CELF4: variants seen among roughly 807,000 people sequenced by gnomAD.
The protein encoded by CELF4 is CUG-BP- and ETR-3-like factor 4.
In CELF4, 18 loss-of-function variants were observed where a neutral mutation model predicts 59.9. The ratio of observed to expected loss-of-function variants is 0.30; its 90% CI spans 0.21 to 0.45. The LOEUF (loss-of-function observed/expected upper bound fraction) is 0.45. Among genes scored for constraint, CELF4 ranks in the 20% least tolerant of loss-of-function variants. The probability of loss-of-function intolerance (pLI) is 1.00; values close to 1 mark genes in which losing one functional copy is unlikely to be tolerated. For synonymous variants in CELF4, 261 were observed against 267.1 expected (o/e 0.98, Z 0.22); for missense variants, 456 against 689.0 (o/e 0.66, Z 3.79).
chr18:37,423,051 C>T (rs2099588178), intron 2 of CELF4, among the ~76,000 whole-genome samples: 1 of 125,502 alleles, frequency 8.0e-6, no homozygotes, highest in Non-Finnish European at 1.7e-5. Context: ...CACATAGACA[C>T]ATGCGCGCGC....
chr18:37,536,759 C>T (rs2099973832), intron 1 of CELF4, among the ~76,000 whole-genome samples: 1 of 152,146 alleles, frequency 6.6e-6, no homozygotes, highest in Admixed American at 6.5e-5. Context: ...CACCATCACC[C>T]CCATCTCCCA....
chr18:37,412,359 G>A (rs2099473108), intron 2 of CELF4, among the ~76,000 whole-genome samples: 1 of 152,214 alleles, frequency 6.6e-6, no homozygotes. Context: ...CCAGGGGGCA[G>A]AGACAGCATG....
At chr18:37,549,897 A>C (rs1200587899) in intron 1 of CELF4, among the ~76,000 whole-genome samples, 3 of 152,194 alleles carry the variant, frequency 2.0e-5, no homozygotes, top group Non-Finnish European at 2.9e-5. Flanking sequence ...ATTATATAAT[A>C]TCTTATGACA....
At chr18:37,424,750 G>A (rs1302937025) in intron 2 of CELF4, among the ~76,000 whole-genome samples, 4 of 152,078 alleles carry the variant, frequency 2.6e-5, no homozygotes, top group African/African-American at 7.3e-5. Context: ...AGCTTTGGCT[G>A]CCTCCTCCCC....
intron 2 of CELF4, among the ~76,000 whole-genome samples, chr18:37,372,231 C>A (rs1386947520): frequency 6.6e-6 from 1 of 152,174 alleles, no homozygotes; most frequent in Admixed American, 6.5e-5. Context: ...GGAACCAACC[C>A]AAATGTCCAC....
chr18:37,251,675 G>T (rs977082100), intron 12 of CELF4, among the ~76,000 whole-genome samples: 1 of 152,144 alleles, frequency 6.6e-6, no homozygotes, highest in Non-Finnish European at 1.5e-5. Flanking sequence ...TTAAGAAAAA[G>T]TGTCCTATAT....
intron 2 of CELF4, among the ~76,000 whole-genome samples, chr18:37,378,958 C>G (rs987411020): frequency 3.9e-5 from 6 of 152,228 alleles, no homozygotes; most frequent in Non-Finnish European, 7.3e-5. Context: ...GCTGATACAT[C>G]CCCTTCACCA....
chr18:37,369,216 A>G (rs1603629633), intron 2 of CELF4, among the ~76,000 whole-genome samples: 2 of 151,694 alleles, frequency 1.3e-5, no homozygotes, highest in East Asian at 3.9e-4. Context: ...TAAACCTATA[A>G]CTATCTCTCC....
At chr18:37,504,814 G>C (rs1030611014) in intron 1 of CELF4, among the ~76,000 whole-genome samples, 4 of 152,256 alleles carry the variant, frequency 2.6e-5, no homozygotes, top group African/African-American at 4.8e-5. Flanking sequence ...GGTGAGGTCA[G>C]AGCGCTACCT....
intron 1 of CELF4, among the ~76,000 whole-genome samples, chr18:37,496,146 G>GT (rs1460219120): frequency 6.6e-6 from 1 of 152,198 alleles, no homozygotes; most frequent in Non-Finnish European, 1.5e-5. Context: ...CAGCTCCTCA[G>GT]TGTAACCCTC....
intron 3 of CELF4, 57 bp from the exon 4 acceptor site, chr18:37,275,300 G>C (rs1472311612): frequency 6.3e-7 from 1 of 1,594,522 alleles, no homozygotes; most frequent in Non-Finnish European, 8.6e-7. Flanking sequence ...CGCGGGAGCA[G>C]GGCAAGGCCG....
At chr18:37,359,111 A>G (rs1212360325) in intron 2 of CELF4, among the ~76,000 whole-genome samples, 1 of 152,050 alleles carries the variant, frequency 6.6e-6, no homozygotes, top group African/African-American at 2.4e-5. Context: ...AAAACAAAAC[A>G]AAACAAAACA....
chr18:37,437,643 A>G (rs536123797), intron 2 of CELF4, among the ~76,000 whole-genome samples: 1 of 152,188 alleles, frequency 6.6e-6, no homozygotes, highest in Non-Finnish European at 1.5e-5. Context: ...TTCCCCATAA[A>G]GGATCTCTGG....
At chr18:37,312,504 A>T (rs981189864) in intron 3 of CELF4, among the ~76,000 whole-genome samples, 1 of 152,194 alleles carries the variant, frequency 6.6e-6, no homozygotes, top group Non-Finnish European at 1.5e-5. Context: ...ATTCAAGTAT[A>T]CAAAAGATCT....
intron 2 of CELF4, among the ~76,000 whole-genome samples, chr18:37,415,044 TG>T (rs1312193329): frequency 6.6e-6 from 1 of 152,276 alleles, no homozygotes; most frequent in East Asian, 1.9e-4. Context: ...TGGAAAGCAG[TG>T]TAAGAGGTAT....
intron 1 of CELF4, among the ~76,000 whole-genome samples, chr18:37,531,557 G>A (rs1339592083): frequency 1.3e-5 from 2 of 152,134 alleles, no homozygotes; most frequent in Admixed American, 1.3e-4. Context: ...TAAAAAATGG[G>A]GAAGGAAATC....
intron 2 of CELF4, among the ~76,000 whole-genome samples, chr18:37,393,095 TTAGAGAGACACAGGGACTGCGGTGTG>T (rs1293657567): frequency 4.0e-5 from 6 of 151,056 alleles, no homozygotes. Flanking sequence ...CTGCGGTGTG[TTAGAGAGACACAGGGACTGCGGTGTG>T]TTGGACACAC....
chr18:37,402,880 GC>G (rs1440968151), intron 2 of CELF4, among the ~76,000 whole-genome samples: 7 of 152,152 alleles, frequency 4.6e-5, no homozygotes, highest in Admixed American at 4.6e-4. Flanking sequence ...CTTCTGAGGA[GC>G]CTTCCCTGGG....
At chr18:37,414,031 C>G (rs2099499951) in intron 2 of CELF4, among the ~76,000 whole-genome samples, 1 of 152,204 alleles carries the variant, frequency 6.6e-6, no homozygotes, top group South Asian at 2.1e-4. Context: ...TCATCCTGTT[C>G]TAAGCACTCT....
Sources: allele counts gnomAD v4.1 joint callset (sites outside exome capture counted in the v4.1 genomes callset), GRCh38; gene constraint gnomAD v4.1.1; transcripts MANE v1.5; gene names NCBI Gene and HGNC (gene_info 2026-07-23, HGNC 2026-07-21).